Variants in COL19A1 observed in about 807,000 individuals in gnomAD.
COL19A1 encodes collagen alpha-1(XIX) chain.
A neutral mutation model predicts 190.2 loss-of-function variants in COL19A1; 159 were observed. That is an observed-to-expected ratio of 0.84 (90% CI 0.73 to 0.95). The LOEUF (loss-of-function observed/expected upper bound fraction) is 0.95, where lower values mean the gene tolerates loss of function less well. COL19A1 is among the 40% of genes least tolerant of loss of function. COL19A1 has a pLI of 0.00. For synonymous variants in COL19A1, 509 were observed against 458.9 expected (o/e 1.11, Z -1.39); for missense variants, 1,418 against 1,431.9 (o/e 0.99, Z 0.16).
At chr6:70,133,084 T>G (rs1582991669) in intron 18 of COL19A1, among the ~76,000 whole-genome samples, 1 of 152,252 alleles carries the variant, frequency 6.6e-6, no homozygotes. Flanking sequence ...ATTGTTGTTC[T>G]CATTCTTAGC....
chr6:69,870,437 C>T (rs1454875970), intron 1 of COL19A1, among the ~76,000 whole-genome samples: 2 of 152,200 alleles, frequency 1.3e-5, no homozygotes, highest in African/African-American at 4.8e-5. Context: ...GAGGACATGG[C>T]ATTTGAGCTA....
intron 1 of COL19A1, among the ~76,000 whole-genome samples, chr6:69,874,709 C>G (rs1257775972): frequency 6.6e-6 from 1 of 151,918 alleles, no homozygotes; most frequent in African/African-American, 2.4e-5. Context: ...CGAGATCGCA[C>G]CACTGCACTC....
chr6:69,884,339 CAA>C (rs201679191), intron 2 of COL19A1, among the ~76,000 whole-genome samples: 19 of 77,888 alleles, frequency 2.4e-4, no homozygotes, highest in Non-Finnish European at 2.7e-4. Flanking sequence ...GACTTTGTCT[CAA>C]AAAAAAAAAA....
intron 34 of COL19A1, among the ~76,000 whole-genome samples, chr6:70,160,260 G>A (rs533540487): frequency 1.9e-4 from 29 of 152,168 alleles, no homozygotes; most frequent in African/African-American, 6.7e-4. Flanking sequence ...CGAGGCAGCA[G>A]GAGAGAGAGC....
rs541665199 is a variant in COL19A1, at chr6:70,065,090, A to T, written c.1171-3333A>T. On this transcript the variant is annotated intron_variant, in intron 14 of 50. Transcript: ENST00000620364. Reference sequence around the variant, plus strand: ...TCAAGCTACCAATGAGTTTCTTCACAGAATTGGAAAAAACTACTTTAAAGT... The same window carrying T: ...TCAAGCTACCAATGAGTTTCTTCACTGAATTGGAAAAAACTACTTTAAAGT... Among the ~76,000 whole-genome samples the T allele has an allele frequency of 8.0e-4, 122 of 152,356 alleles. 2 individuals carry two copies. Among genetic ancestry groups the T allele is most frequent in the Middle Eastern group, 3.4e-3 (1 of 294 alleles).
chr6:69,960,432 T>C (rs762982364), intron 10 of COL19A1, among the ~76,000 whole-genome samples: 4 of 152,168 alleles, frequency 2.6e-5, no homozygotes, highest in Non-Finnish European at 4.4e-5. Flanking sequence ...CAGATAGAGC[T>C]AAACATAATA....
rs1772610592 is a variant in COL19A1, at chr6:69,929,486, G to C, written c.452G>C (p.Gly151Ala). 1 of 1,613,866 alleles carries C rather than the reference G, an allele frequency of 6.2e-7. No homozygotes were observed. Among genetic ancestry groups the C allele is most frequent in the Admixed American group, 1.7e-5 (1 of 59,960 alleles). ...GAATTTATGTTTCAAGCCACAGAGG[G>C]AGATGTGTTGAACTACATTTTTAGA... The part of the protein sequence containing the change: ...VVEFMFQATE[G>A]DVLNYIFRNR... The change falls in exon 6 of 51, where the codon GGA (glycine) becomes GCA (alanine). Residue 151 changes from glycine (G) to alanine (A), a missense_variant. Gly to Ala is a moderately conservative substitution (Grantham distance 60). Coordinates refer to ENST00000620364, the MANE Select transcript of COL19A1 (RefSeq NM_001858.6).
chr6:70,075,873 G>T (rs1379369328), intron 15 of COL19A1, among the ~76,000 whole-genome samples: 1 of 152,172 alleles, frequency 6.6e-6, no homozygotes, highest in African/African-American at 2.4e-5. Context: ...TCACTTAAAT[G>T]AAGAGCTGAA....
chr6:70,022,177 AG>A (rs1359773028), intron 11 of COL19A1, among the ~76,000 whole-genome samples: 5 of 152,210 alleles, frequency 3.3e-5, no homozygotes, highest in Non-Finnish European at 7.3e-5. Flanking sequence ...AAATGAAGGA[AG>A]AAAAACAGAA....
intron 15 of COL19A1, among the ~76,000 whole-genome samples, chr6:70,070,533 A>G (rs1312204956): frequency 6.6e-6 from 1 of 152,158 alleles, no homozygotes; most frequent in African/African-American, 2.4e-5. Context: ...TAGAGCAGGT[A>G]TTATTGACAT....
Position 70,167,967 on chromosome 6 carries a change from G to A in COL19A1, c.2446-58G>A, listed in dbSNP as rs911144321. ...GTATCATTTGGTAAAATGATAAAAT[G>A]TAGAGATGCAAAGTATTAACTTCCA... On this transcript the variant is annotated intron_variant, in intron 37 of 50. Transcript: ENST00000620364. The A allele has an allele frequency of 6.5e-5, 81 of 1,247,258 alleles. 1 individual carries two copies. Among genetic ancestry groups the A allele is most frequent in the South Asian group, 5.6e-4 (39 of 69,240 alleles). 77.3% of individuals were successfully genotyped at this position (1,247,258 alleles called of 1,614,324 possible).
intron 4 of COL19A1, among the ~76,000 whole-genome samples, chr6:69,900,551 G>C (rs151064136): frequency 1.3e-4 from 20 of 152,106 alleles, no homozygotes; most frequent in Non-Finnish European, 2.9e-5. Context: ...TATATGTACA[G>C]AAAAAGGCAC....
intron 2 of COL19A1, among the ~76,000 whole-genome samples, chr6:69,888,146 T>C (rs1279255341): frequency 6.6e-6 from 1 of 152,100 alleles, no homozygotes. Flanking sequence ...TTGTCAGAGG[T>C]TCCAGTTGCA....
At chr6:70,048,474 A>G (rs1780023585) in intron 14 of COL19A1, among the ~76,000 whole-genome samples, 1 of 152,092 alleles carries the variant, frequency 6.6e-6, no homozygotes, top group Non-Finnish European at 1.5e-5. Context: ...AACAAACAAC[A>G]ATCATTGTCG....
intron 9 of COL19A1, among the ~76,000 whole-genome samples, chr6:69,953,774 C>T (rs536911116): frequency 1.3e-5 from 2 of 152,052 alleles, no homozygotes; most frequent in East Asian, 3.9e-4. Context: ...ACCTAGTCTG[C>T]TAATGTTCCT....
intron 15 of COL19A1, among the ~76,000 whole-genome samples, chr6:70,082,700 C>T (rs2150165812): frequency 6.6e-6 from 1 of 152,282 alleles, no homozygotes; most frequent in Middle Eastern, 3.4e-3. Flanking sequence ...TGTGAGCCAC[C>T]ACGCCCAGCC....
chr6:70,088,991 C>T (rs1437041564), intron 15 of COL19A1, among the ~76,000 whole-genome samples: 1 of 152,126 alleles, frequency 6.6e-6, no homozygotes, highest in Non-Finnish European at 1.5e-5. Flanking sequence ...GGTCTGTCTT[C>T]AGGAGCTCAA....
chr6:70,175,128 G>A (rs1450298994), intron 41 of COL19A1, among the ~76,000 whole-genome samples: 1 of 152,096 alleles, frequency 6.6e-6, no homozygotes, highest in African/African-American at 2.4e-5. Context: ...TGTATTGCCT[G>A]TTTATGTCCT....
intron 41 of COL19A1, among the ~76,000 whole-genome samples, chr6:70,172,412 G>A (rs750141768): frequency 3.3e-5 from 5 of 152,010 alleles, no homozygotes; most frequent in Non-Finnish European, 7.4e-5. Context: ...AAGATTTCCT[G>A]ATGTATCCAA....
Sources: allele counts gnomAD v4.1 joint callset (sites outside exome capture counted in the v4.1 genomes callset), GRCh38; gene constraint gnomAD v4.1.1; transcripts MANE v1.5; gene names NCBI Gene and HGNC (gene_info 2026-07-23, HGNC 2026-07-21).